The following GUCY1A2 variants were observed in gnomAD, a reference collection of about 807,000 sequenced individuals.
GUCY1A2 encodes guanylate cyclase soluble subunit alpha-2.
In GUCY1A2, 27 loss-of-function variants were observed where a neutral mutation model predicts 63.5. The observed-to-expected ratio is 0.43, with a 90% CI of 0.31 to 0.59. GUCY1A2 has a LOEUF of 0.59. GUCY1A2 is among the 20% of genes least tolerant of loss of function. The probability of loss-of-function intolerance (pLI) is 0.11; values close to 1 mark genes in which losing one functional copy is unlikely to be tolerated. For missense variants in GUCY1A2, 768 were observed against 913.3 expected, an observed-to-expected ratio of 0.84 and a Z score of 2.05; for synonymous variants, 364 against 343.5, an observed-to-expected ratio of 1.06 and a Z score of -0.66.
chr11:106,696,248 A>C (rs1194703164), intron 7 of GUCY1A2, among the ~76,000 whole-genome samples: 1 of 152,242 alleles, frequency 6.6e-6, no homozygotes, highest in African/African-American at 2.4e-5. Context: ...ACTTCTAGTA[A>C]ATGTCAAGGA....
intron 4 of GUCY1A2, among the ~76,000 whole-genome samples, chr11:106,844,106 T>C (rs1242756634): frequency 1.3e-5 from 2 of 151,862 alleles, no homozygotes; most frequent in Non-Finnish European, 2.9e-5. Context: ...AGAAAACTTA[T>C]AGTTGTTTAT....
intron 6 of GUCY1A2, among the ~76,000 whole-genome samples, chr11:106,711,195 C>G (rs868278223): frequency 7.2e-5 from 11 of 152,024 alleles, no homozygotes; most frequent in African/African-American, 2.4e-4. Context: ...GCATTTAACC[C>G]AGAAAGGCTG....
Position 106,687,487 on chromosome 11 carries a change from C to G in GUCY1A2, c.*62G>C, listed in dbSNP as rs574909477. 7.7e-5 allele frequency: 90 copies of G among 1,170,146 alleles called. No homozygotes were observed. The highest frequency in any genetic ancestry group is 2.8e-4 in the South Asian group (23 of 81,054). 72.5% of individuals were successfully genotyped at this position (1,170,146 alleles called of 1,614,324 possible). On this transcript the variant is annotated 3_prime_UTR_variant, in exon 8 of 8. Coordinates refer to ENST00000526355, the MANE Select transcript of GUCY1A2 (RefSeq NM_000855.3). ...AAGAGACACAATCTCTTTCCACCCCCCATTGGTGACCCATGTTCTGGGCTT... is the reference window on the plus strand; with the variant it reads ...AAGAGACACAATCTCTTTCCACCCCGCATTGGTGACCCATGTTCTGGGCTT...
chr11:106,926,901 T>C (rs994737202), intron 4 of GUCY1A2, among the ~76,000 whole-genome samples: 10 of 151,026 alleles, frequency 6.6e-5, no homozygotes, highest in Admixed American at 3.3e-4. Flanking sequence ...TTTTTCTCTA[T>C]TTTCTCTATT....
intron 6 of GUCY1A2, among the ~76,000 whole-genome samples, chr11:106,735,090 G>A (rs1276503713): frequency 6.6e-6 from 1 of 151,900 alleles, no homozygotes; most frequent in Non-Finnish European, 1.5e-5. Context: ...TCACATCAGG[G>A]TAAATGAGAT....
chr11:106,826,974 T>A, intron 4 of GUCY1A2: 1 of 1,610,482 alleles, frequency 6.2e-7, no homozygotes, highest in Non-Finnish European at 8.5e-7. Flanking sequence ...CGCAGCCATA[T>A]ATCTTTTCAT....
chr11:106,907,604 G>A (rs1860230144), intron 4 of GUCY1A2, among the ~76,000 whole-genome samples: 1 of 151,600 alleles, frequency 6.6e-6, no homozygotes, highest in Non-Finnish European at 1.5e-5. Context: ...CCCTTCCTGT[G>A]TCCATGTGTT....
chr11:106,758,627 A>G (rs946648126), intron 6 of GUCY1A2, among the ~76,000 whole-genome samples: 6 of 152,244 alleles, frequency 3.9e-5, no homozygotes, highest in African/African-American at 1.4e-4. Flanking sequence ...CTATTCGGCC[A>G]TCTTGAAAGC....
intron 2 of GUCY1A2, among the ~76,000 whole-genome samples, chr11:106,984,665 G>A (rs1375426149): frequency 6.6e-6 from 1 of 152,022 alleles, no homozygotes. Flanking sequence ...TAATAATAAC[G>A]ATAAACATAA....
At chr11:106,714,415 C>G (rs1034756971) in intron 6 of GUCY1A2, among the ~76,000 whole-genome samples, 5 of 152,142 alleles carry the variant, frequency 3.3e-5, no homozygotes, top group Non-Finnish European at 5.9e-5. Flanking sequence ...TTTTCTTTTG[C>G]ATTTCTTCTG....
intron 4 of GUCY1A2, among the ~76,000 whole-genome samples, chr11:106,920,150 T>TAA (rs5794504): frequency 6.6e-6 from 1 of 151,238 alleles, no homozygotes; most frequent in Non-Finnish European, 1.5e-5. Context: ...GGAACGCCAT[T>TAA]AAAAAAAACC....
chr11:106,832,875 G>C (rs1339737852), intron 4 of GUCY1A2, among the ~76,000 whole-genome samples: 1 of 152,078 alleles, frequency 6.6e-6, no homozygotes, highest in Non-Finnish European at 1.5e-5. Flanking sequence ...AGTAATTTTA[G>C]AGCCCTTAGC....
At chr11:106,870,254 T>TA (rs901846188) in intron 4 of GUCY1A2, among the ~76,000 whole-genome samples, 39 of 151,758 alleles carry the variant, frequency 2.6e-4, no homozygotes, top group South Asian at 8.3e-4. Context: ...TAAAGTATAA[T>TA]AAAAAAAATA....
chr11:106,955,465 G>T (rs1860971569), intron 3 of GUCY1A2, among the ~76,000 whole-genome samples: 1 of 152,100 alleles, frequency 6.6e-6, no homozygotes, highest in South Asian at 2.1e-4. Context: ...CATATTTAGT[G>T]CTTCTTTTAG....
At chr11:106,837,516 C>T (rs544200145) in intron 4 of GUCY1A2, among the ~76,000 whole-genome samples, 148 of 151,932 alleles carry the variant, frequency 9.7e-4, no homozygotes, top group African/African-American at 3.3e-3. Flanking sequence ...ACCCAGTAAT[C>T]GGATTGCTGG....
chr11:106,898,155 C>G (rs1220645403), intron 4 of GUCY1A2, among the ~76,000 whole-genome samples: 2 of 152,142 alleles, frequency 1.3e-5, no homozygotes, highest in African/African-American at 4.8e-5. Flanking sequence ...TACCACTACA[C>G]ACCTATGAGA....
intron 4 of GUCY1A2, among the ~76,000 whole-genome samples, chr11:106,885,727 G>A (rs1001509292): frequency 2.0e-5 from 3 of 152,090 alleles, no homozygotes; most frequent in African/African-American, 4.8e-5. Flanking sequence ...GAGATAACAA[G>A]TGTGAATGTA....
intron 4 of GUCY1A2, chr11:106,827,060 AC>A (rs1858980718): frequency 6.4e-7 from 1 of 1,559,718 alleles, no homozygotes; most frequent in South Asian, 1.1e-5. Flanking sequence ...AAAGTGAAGG[AC>A]TTTTTCTTCA....
At chr11:107,007,193 C>T (rs567057989) in intron 1 of GUCY1A2, among the ~76,000 whole-genome samples, 1 of 152,230 alleles carries the variant, frequency 6.6e-6, no homozygotes, top group Admixed American at 6.5e-5. Context: ...ACTTTGAAAG[C>T]ATGATGTAAA....
Sources: allele counts gnomAD v4.1 joint callset (sites outside exome capture counted in the v4.1 genomes callset), GRCh38; gene constraint gnomAD v4.1.1; transcripts MANE v1.5; gene names NCBI Gene and HGNC (gene_info 2026-07-23, HGNC 2026-07-21).